The following UGT1A10 variants were observed in gnomAD, a reference collection of about 807,000 sequenced individuals.
UGT1A10 encodes the protein UDP-glucuronosyltransferase 1A10.
UGT1A10 carries 49 observed loss-of-function variants against 45.8 expected under a neutral mutation model. The observed-to-expected ratio is 1.07, with a 90% CI of 0.85 to 1.36. UGT1A10 has a LOEUF of 1.36. UGT1A10 is among the 40% of genes most tolerant of loss of function. UGT1A10 has a pLI of 0.00. For synonymous variants in UGT1A10, 284 were observed against 249.7 expected, an observed-to-expected ratio of 1.14 and a Z score of -1.29; for missense variants, 745 against 668.6, an observed-to-expected ratio of 1.11 and a Z score of -1.26.
chr2:233,649,094 G>T, intron 1 of UGT1A10: 1 of 843,558 alleles, frequency 1.2e-6, no homozygotes, highest in South Asian at 2.9e-5. Context: ...ATTCCTTACG[G>T]AACTGGGATT....
chr2:233,739,861 AT>A (rs1559383666), intron 1 of UGT1A10, among the ~76,000 whole-genome samples: 1 of 151,974 alleles, frequency 6.6e-6, no homozygotes, highest in African/African-American at 2.4e-5. Context: ...AGAGGGCAGA[AT>A]GATATGATTT....
intron 1 of UGT1A10, among the ~76,000 whole-genome samples, chr2:233,639,696 CT>C (rs1324513973): frequency 6.6e-6 from 1 of 152,176 alleles, no homozygotes; most frequent in African/African-American, 2.4e-5. Flanking sequence ...CTCCTTGAGT[CT>C]ATCCAGGAGA....
intron 1 of UGT1A10, among the ~76,000 whole-genome samples, chr2:233,748,618 A>C (rs1693989707): frequency 1.3e-5 from 2 of 151,764 alleles, no homozygotes; most frequent in Non-Finnish European, 2.9e-5. Flanking sequence ...CGAACGTGGG[A>C]TATATGTCTG....
chr2:233,719,924 C>T (rs1442690759), intron 1 of UGT1A10, among the ~76,000 whole-genome samples: 2 of 152,124 alleles, frequency 1.3e-5, no homozygotes, highest in Admixed American at 6.5e-5. Context: ...CTGTGACTCA[C>T]GGACAGTGTT....
At chr2:233,747,498 C>T in intron 1 of UGT1A10, 3 of 1,608,498 alleles carry the variant, frequency 1.9e-6, no homozygotes, top group East Asian at 4.5e-5. Flanking sequence ...TGTGCTGGGC[C>T]ACACTCAACT....
Position 233,767,112 on chromosome 2 carries a change from C to T in UGT1A10, c.934C>T (p.Pro312Ser), listed in dbSNP as rs769666128. 1 of 1,614,080 alleles carries T rather than the reference C, an allele frequency of 6.2e-7. No individual in the cohort carries two copies. The highest frequency in any genetic ancestry group is 2.2e-5 in the East Asian group (1 of 44,856). The change falls in exon 2 of 5, where the codon CCA (proline) becomes TCA (serine). Residue 312 changes from proline to serine, a missense_variant. Coordinates refer to ENST00000344644, the MANE Select transcript of UGT1A10 (RefSeq NM_019075.4). ...TTTGGGATCAATGGTCTCAGAAATT[C>T]CAGAGAAGAAAGCTATGGCAATTGC... ...FSLGSMVSEI[P>S]EKKAMAIADA...
chr2:233,712,495 G>T (rs372173609), intron 1 of UGT1A10, among the ~76,000 whole-genome samples: 100 of 152,324 alleles, frequency 6.6e-4, no homozygotes, highest in African/African-American at 2.3e-3. Flanking sequence ...AGCTGGCTTA[G>T]CAATGTTGTC....
At chr2:233,652,176 G>T (rs960970373) in intron 1 of UGT1A10, among the ~76,000 whole-genome samples, 1 of 152,148 alleles carries the variant, frequency 6.6e-6, no homozygotes, top group African/African-American at 2.4e-5. Context: ...TTCCCCCATT[G>T]CTCTAAGATC....
chr2:233,743,267 C>T (rs1692250223), intron 1 of UGT1A10: 1 of 463,686 alleles, frequency 2.2e-6, no homozygotes, highest in Non-Finnish European at 4.0e-6. Flanking sequence ...TCTTCCTCCA[C>T]TTCCACCCTT....
At chr2:233,655,069 A>G (rs530769519) in intron 1 of UGT1A10, among the ~76,000 whole-genome samples, 26 of 152,310 alleles carry the variant, frequency 1.7e-4, no homozygotes, top group South Asian at 1.0e-3. Flanking sequence ...AGCCTGGGCA[A>G]CAGAGCAAGA....
chr2:233,699,626 T>C (rs2075516082), intron 1 of UGT1A10, among the ~76,000 whole-genome samples: 1 of 152,224 alleles, frequency 6.6e-6, no homozygotes, highest in African/African-American at 2.4e-5. Context: ...GAATGCAAGC[T>C]CAGGCCTAGA....
intron 1 of UGT1A10, chr2:233,713,741 C>T (rs1224513754): frequency 9.9e-6 from 16 of 1,613,814 alleles, no homozygotes; most frequent in African/African-American, 1.3e-5. Context: ...ATCTTGTCAG[C>T]CATGCATCTG....
chr2:233,689,829 T>C (rs2074961574), intron 1 of UGT1A10: 2 of 452,156 alleles, frequency 4.4e-6, no homozygotes, highest in South Asian at 3.1e-5. Context: ...CTCTGGACTC[T>C]AACTTTCTTG....
At chr2:233,750,281 G>C (rs1417802179) in intron 1 of UGT1A10, among the ~76,000 whole-genome samples, 1 of 151,952 alleles carries the variant, frequency 6.6e-6, no homozygotes, top group Non-Finnish European at 1.5e-5. Context: ...CAAAGAGACT[G>C]GTGGCATTTT....
At chr2:233,639,513 G>C (rs866882359) in intron 1 of UGT1A10, among the ~76,000 whole-genome samples, 1 of 152,300 alleles carries the variant, frequency 6.6e-6, no homozygotes, top group South Asian at 2.1e-4. Context: ...GTTACATCTT[G>C]CTGGGAAACA....
intron 1 of UGT1A10, among the ~76,000 whole-genome samples, chr2:233,748,454 G>C (rs780753495): frequency 1.7e-4 from 26 of 151,822 alleles, no homozygotes; most frequent in Non-Finnish European, 3.7e-4. Flanking sequence ...ATTTTCAGGG[G>C]AAAGATGATG....
Position 233,734,907 on chromosome 2 carries a change from A to G in UGT1A10, c.856-32127A>G, listed in dbSNP as rs551401777. Among the ~76,000 whole-genome samples, 233 of 152,140 alleles carry G rather than the reference A, an allele frequency of 1.5e-3. 2 individuals carry two copies. The highest frequency in any genetic ancestry group is 5.2e-3 in the African/African-American group (218 of 41,544). On this transcript the variant is annotated intron_variant, in intron 1 of 4. Coordinates refer to ENST00000344644, the MANE Select transcript of UGT1A10 (RefSeq NM_019075.4). The stretch of plus-strand genomic sequence containing the variant: ...TTTGTTGTGATTTCTATTCTTTTAC[A>G]TTTGCTAAGGAGTGCTTTACTTACA...
chr2:233,769,820 A>C lies in UGT1A10; in HGVS notation c.1295+1381A>C, dbSNP rs1699945956. 1.3e-5 allele frequency: 11 copies of C among 843,066 alleles called. No individual in the cohort carries two copies. The highest frequency in any genetic ancestry group is 1.5e-5 in the Non-Finnish European group (9 of 599,386). The allele number at this position is 843,066 out of a possible 1,614,324, so 52.2% of individuals were successfully genotyped here. On this transcript the variant is annotated intron_variant, in intron 4 of 4. Transcript: ENST00000344644. The surrounding 1 kb of genome is among the most constrained non-coding windows in gnomAD (Gnocchi z 4.4). ...CTATGAGCCGTGATCATGCCACTGCACTCCAGCAACCTGGGCAACAGAGTG... is the reference window on the plus strand; with the variant it reads ...CTATGAGCCGTGATCATGCCACTGCCCTCCAGCAACCTGGGCAACAGAGTG...
chr2:233,725,264 G>GGAGGCAGAGGCAGAGGAGGCA (rs2077414682), intron 1 of UGT1A10, among the ~76,000 whole-genome samples: 1 of 58,548 alleles, frequency 1.7e-5, no homozygotes, highest in Admixed American at 1.5e-4. Context: ...CAGAGGCAGA[G>GGAGGCAGAGGCAGAGGAGGCA]GAGGCAGAGG....
Sources: allele counts gnomAD v4.1 joint callset (sites outside exome capture counted in the v4.1 genomes callset), GRCh38; gene constraint gnomAD v4.1.1; non-coding constraint Gnocchi (gnomAD v3.1); transcripts MANE v1.5; gene names NCBI Gene and HGNC (gene_info 2026-07-23, HGNC 2026-07-21).